PTP4A1: variants seen among roughly 807,000 people sequenced by gnomAD.
The protein encoded by PTP4A1 is protein tyrosine phosphatase 4A1.
A neutral mutation model predicts 20.5 loss-of-function variants in PTP4A1; 9 were observed. That is an observed-to-expected ratio of 0.44 (90% CI 0.26 to 0.77). The LOEUF (loss-of-function observed/expected upper bound fraction) is 0.77. Ranked by LOEUF, PTP4A1 falls within the 30% of genes least tolerant of loss-of-function variation. PTP4A1 has a pLI of 0.19. For missense variants in PTP4A1, 137 were observed against 218.8 expected, an observed-to-expected ratio of 0.63 and a Z score of 2.36; for synonymous variants, 78 against 67.4, an observed-to-expected ratio of 1.16 and a Z score of -0.77.
rs957139678 is a variant in PTP4A1, at chr6:63,583,497, T to C, written c.*3323T>C. ...CCTTCAATGAATTAAACCAGTGATA[T>C]GTGTTAACGTATGAATGAAAGGATT... On this transcript the variant is annotated 3_prime_UTR_variant, in exon 6 of 6. Coordinates refer to ENST00000626021, the MANE Select transcript of PTP4A1 (RefSeq NM_003463.5). 7 of 152,224 alleles carry C rather than the reference T, an allele frequency of 4.6e-5. No individual in the cohort carries two copies. The highest frequency in any genetic ancestry group is 7.3e-5 in the Non-Finnish European group (5 of 68,044). 9.4% of individuals were successfully genotyped at this position (152,224 alleles called of 1,614,324 possible).
chr6:63,557,012 G>A (rs901006635), intron 3 of PTP4A1, among the ~76,000 whole-genome samples: 3 of 152,172 alleles, frequency 2.0e-5, no homozygotes, highest in African/African-American at 7.2e-5. Context: ...AATCAAGCAT[G>A]AAACAATTAT....
At chr6:63,541,051 A>G (rs1009469962) in intron 2 of PTP4A1, among the ~76,000 whole-genome samples, 3 of 149,186 alleles carry the variant, frequency 2.0e-5, no homozygotes, top group Non-Finnish European at 4.5e-5. Flanking sequence ...GGAAGGAAGG[A>G]AGGAAGGGAG....
At chr6:63,578,815 A>C in intron 3 of PTP4A1, 83 bp from the exon 4 acceptor site, 4 of 1,308,112 alleles carry the variant, frequency 3.1e-6, no homozygotes, top group Non-Finnish European at 4.0e-6. Flanking sequence ...GCTTTTGAAA[A>C]CATTTCCATG....
At position 63,577,866 on chromosome 6, in the gene PTP4A1, T is replaced by C. The variant is rs1235268124; in HGVS notation, c.106-571T>C. ...ACTATATATTATATATACACTAATA[T>C]ATACTATATAGTGTATATAATAGTA... On this transcript the variant is annotated intron_variant, in intron 2 of 5. Transcript: ENST00000626021. 2.7e-5 allele frequency among the ~76,000 whole-genome samples: 4 copies of C among 149,422 alleles called. 1 individual carries two copies. The South Asian group carries it at 8.3e-4, about 31-fold the overall frequency.
intron 5 of PTP4A1, among the ~76,000 whole-genome samples, chr6:63,579,610 AC>A (rs1237666376): frequency 1.3e-5 from 2 of 152,254 alleles, no homozygotes; most frequent in African/African-American, 2.4e-5. Flanking sequence ...TAATTAAGAT[AC>A]ATTTAAAGAT....
intron 1 of PTP4A1, among the ~76,000 whole-genome samples, chr6:63,524,336 T>C (rs1487879413): frequency 6.6e-6 from 1 of 152,138 alleles, no homozygotes; most frequent in African/African-American, 2.4e-5. Context: ...CTAGAGGATA[T>C]ATTAATGACA....
intron 3 of PTP4A1, among the ~76,000 whole-genome samples, chr6:63,552,740 G>A (rs981093897): frequency 1.3e-4 from 20 of 152,138 alleles, no homozygotes; most frequent in African/African-American, 4.8e-4. Context: ...TCCAGTTTCA[G>A]CTTTCTACAT....
intron 2 of PTP4A1, among the ~76,000 whole-genome samples, chr6:63,538,350 A>G (rs1775808921): frequency 6.6e-6 from 1 of 152,248 alleles, no homozygotes; most frequent in Non-Finnish European, 1.5e-5. Context: ...AGGGATTTCC[A>G]TTCTTCATAA....
chr6:63,560,402 CTT>C (rs915922722), intron 3 of PTP4A1, among the ~76,000 whole-genome samples: 12 of 141,552 alleles, frequency 8.5e-5, no homozygotes, highest in African/African-American at 2.6e-4. Context: ...AACACAAAGC[CTT>C]TTTTTTTTTT....
chr6:63,559,315 G>A (rs1468111717), intron 3 of PTP4A1, among the ~76,000 whole-genome samples: 2 of 152,290 alleles, frequency 1.3e-5, no homozygotes, highest in East Asian at 1.9e-4. Context: ...TTATTTGGGG[G>A]AAGTGATAGT....
chr6:63,569,358 G>C (rs1048485041), upstream of PTP4A1, among the ~76,000 whole-genome samples: 1 of 152,194 alleles, frequency 6.6e-6, no homozygotes, highest in Non-Finnish European at 1.5e-5. Context: ...CAGCTTTCCA[G>C]TGATTCTCCT....
chr6:63,550,860 A>G lies in PTP4A1; in HGVS notation c.-446+367A>G, dbSNP rs568780965. ...AGGCCAGTCTCAAACTACTGACCTCAGGTGATCCGCCTGCCTCGGCCTCCC... is the reference window on the plus strand; with the variant it reads ...AGGCCAGTCTCAAACTACTGACCTCGGGTGATCCGCCTGCCTCGGCCTCCC... On this transcript the variant is annotated intron_variant, in intron 3 of 3. Coordinates refer to the PTP4A1 transcript ENST00000639568. 7.2e-5 allele frequency among the ~76,000 whole-genome samples: 11 copies of G among 152,312 alleles called. No homozygotes were observed. The South Asian group carries it at 1.4e-3, about 20-fold the overall frequency.
chr6:63,517,354 G>A (rs994010507), upstream of PTP4A1, among the ~76,000 whole-genome samples: 3 of 152,098 alleles, frequency 2.0e-5, no homozygotes, highest in Non-Finnish European at 4.4e-5. Context: ...ACCTGGAATA[G>A]CTCCTAATCC....
At chr6:63,549,292 ACT>A (rs1203301222) in intron 2 of PTP4A1, 1 of 754,058 alleles carries the variant, frequency 1.3e-6, no homozygotes, top group African/African-American at 1.7e-5. Context: ...ACTTTCAGCC[ACT>A]TACAGAGGAT....
chr6:63,534,106 G>A (rs921693194), intron 2 of PTP4A1, among the ~76,000 whole-genome samples: 1 of 152,070 alleles, frequency 6.6e-6, no homozygotes, highest in Non-Finnish European at 1.5e-5. Context: ...ACCTATCAAA[G>A]TACTGGGATT....
chr6:63,572,413 C>T (rs1051219056), upstream of PTP4A1: 4 of 353,394 alleles, frequency 1.1e-5, no homozygotes, highest in Non-Finnish European at 2.0e-5. Context: ...GGTTCCAGGC[C>T]GCGATTGGTG....
rs545342306 is a variant in PTP4A1 at position 63,552,795 on chromosome 6, C to G, written c.-446+2302C>G. On this transcript the variant is annotated intron_variant, in intron 3 of 3. Coordinates refer to the PTP4A1 transcript ENST00000639568. ...AACACCATTTATTAAATAGGGAAACCTTTCCCCATTTCTTGTTTTTGTCAG... is the reference window on the plus strand; with the variant it reads ...AACACCATTTATTAAATAGGGAAACGTTTCCCCATTTCTTGTTTTTGTCAG... Among the ~76,000 whole-genome samples, 7 of 152,220 alleles carry G rather than the reference C, an allele frequency of 4.6e-5. 1 individual carries two copies. The South Asian group carries it at 6.2e-4, about 14-fold the overall frequency.
chr6:63,559,847 G>A (rs868864048), intron 3 of PTP4A1, among the ~76,000 whole-genome samples: 4 of 152,236 alleles, frequency 2.6e-5, no homozygotes, highest in South Asian at 2.1e-4. Context: ...GGCTGGTTTC[G>A]AACTCCTGGG....
intron 2 of PTP4A1, among the ~76,000 whole-genome samples, chr6:63,540,196 TG>T (rs1247302434): frequency 6.6e-6 from 1 of 152,142 alleles, no homozygotes; most frequent in Non-Finnish European, 1.5e-5. Flanking sequence ...AAACAAAATG[TG>T]GTAGATGCAC....
Sources: allele counts gnomAD v4.1 joint callset (sites outside exome capture counted in the v4.1 genomes callset), GRCh38; gene constraint gnomAD v4.1.1; transcripts MANE v1.5; gene names NCBI Gene and HGNC (gene_info 2026-07-23, HGNC 2026-07-21).